The following COL6A3 variants were observed in gnomAD, a reference collection of about 807,000 sequenced individuals.
COL6A3 encodes the protein collagen alpha-3(VI) chain.
COL6A3 carries 137 observed loss-of-function variants against 274.1 expected under a neutral mutation model. The observed-to-expected ratio is 0.50, with a 90% CI of 0.44 to 0.58. The LOEUF is 0.58. COL6A3 is among the 20% of genes least tolerant of loss of function. The probability of loss-of-function intolerance (pLI) is 0.00; values close to 1 mark genes in which losing one functional copy is unlikely to be tolerated. For synonymous variants in COL6A3, 1,650 were observed against 1,650.6 expected (o/e 1.00, Z 0.01); for missense variants, 3,950 against 4,124.9 (o/e 0.96, Z 1.16).
In COL6A3 at chr2:237,340,937, T is replaced by C. The variant is rs1224352143; in HGVS notation, c.7979A>G (p.His2660Arg). 1 of 1,613,620 alleles carries C rather than the reference T, an allele frequency of 6.2e-7. No individual in the cohort carries two copies. The highest frequency in any genetic ancestry group is 8.5e-7 in the Non-Finnish European group (1 of 1,179,592). Reference sequence around the variant, plus strand: ...CTGCACAACTGCCACTCTGGCGAAGTGCTGGGAGGCCTTGGGATCTGGGCT... The same window carrying C: ...CTGCACAACTGCCACTCTGGCGAAGCGCTGGGAGGCCTTGGGATCTGGGCT... ...DMSPDPKASQ[H>R]FARVAVVQHA... Residue 2660 changes from histidine (H) to arginine (R), a missense_variant, in exon 38 of 44, where the codon CAC becomes CGC. His to Arg is a conservative substitution (Grantham distance 29). Coordinates refer to ENST00000295550, the MANE Select transcript of COL6A3 (RefSeq NM_004369.4).
rs112451272 is a variant in COL6A3 at position 237,347,884 on chromosome 2, G to C, written c.6967-15C>G. 3.1e-6 allele frequency: 5 copies of C among 1,605,156 alleles called. No homozygotes were observed. Among genetic ancestry groups the C allele is most frequent in the Non-Finnish European group, 4.3e-6 (5 of 1,175,040 alleles). On this transcript the variant is annotated splice_polypyrimidine_tract_variant and intron_variant, in intron 30 of 43. Transcript: ENST00000295550. ...CCTGGGTTACCCTGGGAAGAAAGCC[G>C]AGAAGTGGCACAGTAAGCTTTGGAA...
intron 3 of COL6A3, among the ~76,000 whole-genome samples, chr2:237,391,468 A>G (rs1163753691): frequency 6.6e-6 from 1 of 152,184 alleles, no homozygotes; most frequent in Non-Finnish European, 1.5e-5. Context: ...CAAAACGTCA[A>G]TAAAAGATGT....
intron 23 of COL6A3, among the ~76,000 whole-genome samples, chr2:237,355,961 C>T (rs768537105): frequency 6.6e-6 from 1 of 152,142 alleles, no homozygotes; most frequent in African/African-American, 2.4e-5. Flanking sequence ...AGGCCGCCTG[C>T]GGAGACTCTA....
chr2:237,397,351 G>A (rs1350589348), intron 1 of COL6A3, among the ~76,000 whole-genome samples: 4 of 150,512 alleles, frequency 2.7e-5, no homozygotes, highest in East Asian at 3.9e-4. Flanking sequence ...GGGAAGGAAG[G>A]AAGGATGGAA....
At chr2:237,405,596 G>A (rs1460039325) in intron 1 of COL6A3, among the ~76,000 whole-genome samples, 2 of 152,020 alleles carry the variant, frequency 1.3e-5, no homozygotes, top group African/African-American at 2.4e-5. Context: ...CCAACCATCC[G>A]ATGGCTGATT....
In COL6A3 at chr2:237,407,883, CT is replaced by C; in HGVS notation, c.-31+6069del. Reference sequence around the variant, plus strand: ...AAGAAGAAAGGTGCATTAGAAAATGCTTCAAGAAATATTGCACAAATGCCCA... The same window carrying C: ...AAGAAGAAAGGTGCATTAGAAAATGCTCAAGAAATATTGCACAAATGCCCA... On this transcript the variant is annotated intron_variant, in intron 1 of 43. Transcript: ENST00000295550. This position sits in a 1 kb window ranked among gnomAD's most constrained non-coding sequence, Gnocchi z 4.3. Among the ~76,000 whole-genome samples, 2 of 152,302 alleles carry C rather than the reference CT, an allele frequency of 1.3e-5. No individual in the cohort carries two copies. The highest frequency in any genetic ancestry group is 1.3e-4 in the Admixed American group (2 of 15,300).
At chr2:237,395,336 A>T (rs1171718706) in intron 2 of COL6A3, 132 bp from the exon 3 acceptor site, 6 of 942,464 alleles carry the variant, frequency 6.4e-6, no homozygotes, top group Non-Finnish European at 9.7e-6. Flanking sequence ...CTGATAATAC[A>T]GGAAGGTAGA....
rs369994205 is a variant in COL6A3 at position 237,374,522 on chromosome 2, G to T, written c.3569C>A (p.Thr1190Asn). 4 of 1,614,102 alleles carry T rather than the reference G, an allele frequency of 2.5e-6. No individual in the cohort carries two copies. The highest frequency in any genetic ancestry group is 3.4e-6 in the Non-Finnish European group (4 of 1,180,044). The change falls in exon 8 of 44, where the codon ACC (threonine) becomes AAC (asparagine). Residue 1190 changes from threonine (T) to asparagine (N), a missense_variant. Thr to Asn is a moderately conservative substitution (Grantham distance 65). Transcript: ENST00000295550. The surrounding 1 kb of genome is among the most constrained non-coding windows in gnomAD (Gnocchi z 4.8). ...FIPDFAVAIP[T>N]FRQLGTVQQV... ...TTGGACGGTCCCCAGCTGGCGAAAG[G>T]TGGGAATGGCCACGGCAAAGTCCGG...
intron 28 of COL6A3, among the ~76,000 whole-genome samples, chr2:237,349,922 G>GA (rs1235496119): frequency 4.6e-5 from 7 of 152,030 alleles, no homozygotes; most frequent in African/African-American, 1.2e-4. Context: ...AAACACAGGG[G>GA]AAAAAATGTC....
In COL6A3 at chr2:237,377,007, C is replaced by T. The variant is rs899730006; in HGVS notation, c.2835G>A (p.Val945=). 6 of 1,614,096 alleles carry T rather than the reference C, an allele frequency of 3.7e-6. No individual in the cohort carries two copies. In the African/African-American group the frequency reaches 8.0e-5, roughly 22 times the overall value. ...CAGATGACCTTCCTGCGACCAGCAG[C>T]ACCAGGAACTGAAGCACTCCATCCT... is the stretch of plus-strand genomic sequence containing the variant. The part of the protein sequence containing the change: ...RIEDGVLQFL[V]LLVAGRSSDR... Residue 945 remains valine (V), a synonymous_variant, in exon 7 of 44, where the codon GTG becomes GTA. Transcript: ENST00000295550.
chr2:237,393,162 C>T (rs538941737), intron 3 of COL6A3, among the ~76,000 whole-genome samples: 1 of 152,232 alleles, frequency 6.6e-6, no homozygotes, highest in African/African-American at 2.4e-5. Flanking sequence ...TCTATTGTTC[C>T]CTCTTTGCAA....
intron 4 of COL6A3, among the ~76,000 whole-genome samples, chr2:237,382,400 A>G (rs963972747): frequency 2.6e-5 from 4 of 152,036 alleles, no homozygotes; most frequent in African/African-American, 7.2e-5. Flanking sequence ...AAAACAAAAA[A>G]CCTGTTTTTA....
At chr2:237,339,857 T>G (rs1398539836) in intron 38 of COL6A3, among the ~76,000 whole-genome samples, 1 of 152,074 alleles carries the variant, frequency 6.6e-6, no homozygotes, top group Non-Finnish European at 1.5e-5. Context: ...AAATAGGGTG[T>G]CCGGATTAAC....
intron 43 of COL6A3, among the ~76,000 whole-genome samples, chr2:237,325,131 T>C (rs1699872996): frequency 6.6e-6 from 1 of 152,196 alleles, no homozygotes; most frequent in Non-Finnish European, 1.5e-5. Context: ...AAAGTGTTTA[T>C]TTTATTACCA....
chr2:237,397,624 T>A (rs1483651323), intron 1 of COL6A3, among the ~76,000 whole-genome samples: 1 of 152,150 alleles, frequency 6.6e-6, no homozygotes, highest in Non-Finnish European at 1.5e-5. Flanking sequence ...AGAACATAGG[T>A]CACCTGTAAT....
chr2:237,332,271 TTGATCTC>T (rs1347370699), intron 42 of COL6A3, among the ~76,000 whole-genome samples: 1 of 151,484 alleles, frequency 6.6e-6, no homozygotes, highest in Non-Finnish European at 1.5e-5. Context: ...TTACTCATTA[TTGATCTC>T]TGATCTCTAG....
chr2:237,374,928 C>G lies in COL6A3; in HGVS notation c.3163G>C (p.Val1055Leu). The G allele has an allele frequency of 6.2e-7, 1 of 1,613,976 alleles. No individual in the cohort carries two copies. The highest frequency in any genetic ancestry group is 8.5e-7 in the Non-Finnish European group (1 of 1,180,014). Residue 1055 changes from valine to leucine, a missense_variant, in exon 8 of 44, where the codon GTG becomes CTG. Around this residue, in one of 5 missense-constraint regions of COL6A3, gnomAD observed 1,934 missense variants for 1,984.3 expected, o/e 0.97. Coordinates refer to ENST00000295550, the MANE Select transcript of COL6A3 (RefSeq NM_004369.4). The surrounding 1 kb of genome is among the most constrained non-coding windows in gnomAD (Gnocchi z 4.8). The part of the protein sequence containing the change: ...PLLKEFVQRV[V>L]ESLDVGQDRV... ...TCCTGGCCCACATCCAGGCTTTCCA[C>G]CACTCTCTGGACAAACTCTTTCAAC...
chr2:237,383,379 C>G (rs116773035), intron 4 of COL6A3, among the ~76,000 whole-genome samples: 2 of 152,216 alleles, frequency 1.3e-5, no homozygotes, highest in Non-Finnish European at 2.9e-5. Flanking sequence ...TTGTTATGAA[C>G]ATCCATTCTG....
intron 28 of COL6A3, 141 bp downstream of exon 28, chr2:237,350,006 G>C: frequency 1.2e-6 from 1 of 855,612 alleles, no homozygotes; most frequent in East Asian, 2.5e-5. Context: ...TGCCGCAGAT[G>C]AGCAAGTTTC....
Sources: gnomAD v4.1 joint callset for allele counts (sites outside exome capture counted in the v4.1 genomes callset) on GRCh38, gnomAD v4.1.1 for gene constraint, gnomAD v4.1.1 regional missense constraint, Gnocchi (gnomAD v3.1) non-coding constraint, MANE v1.5 for transcripts, NCBI Gene and HGNC (gene_info 2026-07-23, HGNC 2026-07-21) for gene names.